Variants in BRSK2 observed in about 807,000 individuals in gnomAD.
BRSK2 encodes the protein serine/threonine-protein kinase BRSK2.
Under a neutral mutation model 83.3 loss-of-function variants are expected in BRSK2, and 19 were observed. The ratio of observed to expected loss-of-function variants is 0.23; its 90% CI spans 0.16 to 0.33. The LOEUF is 0.33. Ranked by LOEUF, BRSK2 falls within the 10% of genes least tolerant of loss-of-function variation. The pLI is 1.00. For missense variants in BRSK2, 798 were observed against 1,042.3 expected (o/e 0.77, Z 3.23); for synonymous variants, 519 against 435.4 (o/e 1.19, Z -2.39).
rs182295793 is a variant in BRSK2, at chr11:1,454,252, G to C, written c.1545-233G>C. The C allele has an allele frequency of 0.01, 4,711 of 466,174 alleles. 79 individuals are homozygous for C. The highest frequency in any genetic ancestry group is 0.055 in the Admixed American group (1,575 of 28,596). The allele number at this position is 466,174 out of a possible 1,614,324, so 28.9% of individuals were successfully genotyped here. A position where few individuals can be genotyped will look rare whatever the true frequency, so the allele number is the denominator to read the frequency against. ...GGCCAGGGTCAGGGCGTTAGGGCTT[G>C]GAGAAAGGTTAGGGTTGGGGTTGGG... On this transcript the variant is annotated intron_variant, in intron 15 of 19. Coordinates refer to ENST00000528841, the MANE Select transcript of BRSK2 (RefSeq NM_001256627.2). This position sits in a 1 kb window ranked among gnomAD's most constrained non-coding sequence, Gnocchi z 5.2.
Position 1,436,139 on chromosome 11 carries a change from G to C in BRSK2, c.186+5G>C. ...AGCGAGTCGGTGCTGATGAAGGTGG[G>C]TGGGGCCGGGGAGGGAGGCGGGGCC... is the stretch of plus-strand genomic sequence containing the variant. On this transcript the variant is annotated splice_donor_5th_base_variant and intron_variant, in intron 2 of 19. Transcript: ENST00000528841. 1 of 1,407,968 alleles carries C rather than the reference G, an allele frequency of 7.1e-7. No homozygotes were observed. The highest frequency in any genetic ancestry group is 9.6e-7 in the Non-Finnish European group (1 of 1,042,992). 87.2% of individuals were successfully genotyped at this position (1,407,968 alleles called of 1,614,324 possible).
At position 1,460,864 on chromosome 11, in the gene BRSK2, G is replaced by T; in HGVS notation, c.*141G>T. 6.4e-7 allele frequency: 1 copy of T among 1,571,396 alleles called. No homozygotes were observed. The highest frequency in any genetic ancestry group is 1.2e-5 in the South Asian group (1 of 86,568). ...GAGCCTGGGAGGAAAGGAAAGGGGC[G>T]TTGGGGCCGGCCTGTGGGCTGCGCC... On this transcript the variant is annotated 3_prime_UTR_variant, in exon 20 of 20. Coordinates refer to ENST00000528841, the MANE Select transcript of BRSK2 (RefSeq NM_001256627.2).
intron 3 of BRSK2, 118 bp from the exon 4 acceptor site, chr11:1,440,670 A>C: frequency 2.3e-6 from 3 of 1,322,100 alleles, no homozygotes; most frequent in Non-Finnish European, 3.0e-6. Context: ...CCAGCCAGCA[A>C]GAGGATGGGG....
At chr11:1,416,825 T>A (rs1245745393) in intron 1 of BRSK2, among the ~76,000 whole-genome samples, 1 of 152,170 alleles carries the variant, frequency 6.6e-6, no homozygotes, top group African/African-American at 2.4e-5. Context: ...GGCTGATGTA[T>A]TTAGTACATT....
At chr11:1,404,931 C>T (rs1014428880) in intron 1 of BRSK2, among the ~76,000 whole-genome samples, 4 of 142,582 alleles carry the variant, frequency 2.8e-5, no homozygotes, top group African/African-American at 1.0e-4. Context: ...CCCTCGCTGC[C>T]CCTGTGTCCT....
chr11:1,462,344 A>C lies in BRSK2; in HGVS notation c.*1621A>C, dbSNP rs1564902843. ...GGTCTGATGCATGCCTCTGCCATGG[A>C]GTCGTCTGTCTGCTTCGGTGCCTGC... is the stretch of plus-strand genomic sequence containing the variant. On this transcript the variant is annotated 3_prime_UTR_variant, in exon 20 of 20. Transcript: ENST00000528841. The C allele has an allele frequency of 6.6e-6, 1 of 152,216 alleles. No individual in the cohort carries two copies. Among genetic ancestry groups the C allele is most frequent in the Non-Finnish European group, 1.5e-5 (1 of 68,056 alleles). The allele number at this position is 152,216 out of a possible 1,614,324, so 9.4% of individuals were successfully genotyped here. A position where few individuals can be genotyped will look rare whatever the true frequency, so the allele number is the denominator to read the frequency against.
chr11:1,438,438 T>C lies in BRSK2; in HGVS notation c.272+47T>C. The C allele has an allele frequency of 6.4e-7, 1 of 1,561,694 alleles. No individual in the cohort carries two copies. The highest frequency in any genetic ancestry group is 8.8e-7 in the Non-Finnish European group (1 of 1,133,794). On this transcript the variant is annotated intron_variant, in intron 3 of 19. Coordinates refer to ENST00000528841, the MANE Select transcript of BRSK2 (RefSeq NM_001256627.2). The surrounding 1 kb of genome is among the most constrained non-coding windows in gnomAD (Gnocchi z 6.4). ...GAGCTGGGGTGGCGGAGGTGGCAGCTGTCGCTGCAGGGGTGGGTGTCTGGG... is the reference window on the plus strand; with the variant it reads ...GAGCTGGGGTGGCGGAGGTGGCAGCCGTCGCTGCAGGGGTGGGTGTCTGGG...
chr11:1,396,367 G>A (rs866875209), intron 1 of BRSK2, among the ~76,000 whole-genome samples: 13 of 152,154 alleles, frequency 8.5e-5, no homozygotes, highest in South Asian at 2.1e-4. Flanking sequence ...AGAGTTGCTC[G>A]GACCGGCTCC....
chr11:1,442,691 C>T (rs1028686668), intron 5 of BRSK2, 85 bp downstream of exon 5: 2 of 1,119,064 alleles, frequency 1.8e-6, no homozygotes, highest in Non-Finnish European at 2.7e-6. Context: ...GGCCCCCAGC[C>T]TGCCTGAGCC....
In BRSK2 at chr11:1,390,556, C is replaced by G. The variant is rs1359058323; in HGVS notation, c.91+181C>G. Among the ~76,000 whole-genome samples the G allele has an allele frequency of 6.8e-6, 1 of 146,022 alleles. No individual in the cohort carries two copies. Among genetic ancestry groups the G allele is most frequent in the African/African-American group, 2.5e-5 (1 of 40,776 alleles). ...TGCGCCCCGGTTCCGCCGCGGATCC[C>G]GCAGGCCGCTTGGCTGCGGTCGGCC... On this transcript the variant is annotated intron_variant, in intron 1 of 19. Coordinates refer to ENST00000528841, the MANE Select transcript of BRSK2 (RefSeq NM_001256627.2). The surrounding 1 kb of genome is among the most constrained non-coding windows in gnomAD (Gnocchi z 6.8).
At chr11:1,447,020 G>A (rs935790717) in intron 12 of BRSK2, among the ~76,000 whole-genome samples, 1 of 152,110 alleles carries the variant, frequency 6.6e-6, no homozygotes, top group Non-Finnish European at 1.5e-5. Context: ...CCAGAGTACT[G>A]GTGGTCCCAG....
chr11:1,460,530 T>C lies in BRSK2; in HGVS notation c.2018T>C (p.Ile673Thr), dbSNP rs749951372. Residue 673 changes from isoleucine to threonine, a missense_variant, in exon 20 of 20, where the codon ATT becomes ACT. Ile to Thr is a moderately conservative substitution (Grantham distance 89). Around this residue, in one of 6 missense-constraint regions of BRSK2, gnomAD observed 455 missense variants for 455.2 expected, o/e 1.00. Transcript: ENST00000528841. ...GSPLSNFFDV[I>T]KQLFSDEKNG... Reference sequence around the variant, plus strand: ...CCATTGAGTAACTTCTTTGACGTAATTAAACAACTTTTTTCAGACGAGAAG... The same window carrying C: ...CCATTGAGTAACTTCTTTGACGTAACTAAACAACTTTTTTCAGACGAGAAG... The C allele has an allele frequency of 8.2e-6, 12 of 1,456,254 alleles. No homozygotes were observed. Among genetic ancestry groups the C allele is most frequent in the Admixed American group, 4.3e-5 (2 of 46,880 alleles). The allele number at this position is 1,456,254 out of a possible 1,614,324, so 90.2% of individuals were successfully genotyped here.
rs1278427616 is a variant in BRSK2, at chr11:1,449,721, C to G, written c.1227-55C>G. ...ACCTGGGGGGAGCAGAGCCCAGCAC[C>G]TGCTGCTCCACTGCCCCCTGGCTGA... On this transcript the variant is annotated intron_variant, in intron 12 of 19. Coordinates refer to ENST00000528841, the MANE Select transcript of BRSK2 (RefSeq NM_001256627.2). 3.3e-6 allele frequency: 5 copies of G among 1,497,558 alleles called. 1 individual carries two copies. In the South Asian group the frequency reaches 5.9e-5, roughly 18 times the overall value. 92.8% of individuals were successfully genotyped at this position (1,497,558 alleles called of 1,614,324 possible).
rs1331160516 is a variant in BRSK2 at position 1,418,558 on chromosome 11, C to T, written c.92-17482C>T. Among the ~76,000 whole-genome samples, 4 of 149,860 alleles carry T rather than the reference C, an allele frequency of 2.7e-5. No individual in the cohort carries two copies. In the East Asian group the frequency reaches 7.9e-4, roughly 30 times the overall value. ...CCTGCTTCTGTTGGCTGTTTCTTCT[C>T]TTGAGAGTGGGTCACCTGTGTCCTG... On this transcript the variant is annotated intron_variant, in intron 1 of 19. Coordinates refer to ENST00000528841, the MANE Select transcript of BRSK2 (RefSeq NM_001256627.2).
rs1008188196 is a variant in BRSK2, at chr11:1,438,807, G to C, written c.272+416G>C. 1.5e-4 allele frequency among the ~76,000 whole-genome samples: 23 copies of C among 152,292 alleles called. No individual in the cohort carries two copies. Among genetic ancestry groups the C allele is most frequent in the Non-Finnish European group, 8.8e-5 (6 of 68,004 alleles). On this transcript the variant is annotated intron_variant, in intron 3 of 19. Coordinates refer to ENST00000528841, the MANE Select transcript of BRSK2 (RefSeq NM_001256627.2). This position sits in a 1 kb window ranked among gnomAD's most constrained non-coding sequence, Gnocchi z 6.4. ...CTCTATCCCTGAGGCTCCCTCACAC[G>C]AGGCACAGCCACCAGGATCCCGCCC...
At chr11:1,447,747 G>A (rs527326996) in intron 12 of BRSK2, 1 of 1,555,746 alleles carries the variant, frequency 6.4e-7, no homozygotes, top group African/African-American at 1.4e-5. Flanking sequence ...GCCGACCTGT[G>A]CCCGCGTGTG....
At chr11:1,437,508 G>A (rs1850483305) in intron 2 of BRSK2, among the ~76,000 whole-genome samples, 1 of 152,198 alleles carries the variant, frequency 6.6e-6, no homozygotes, top group Admixed American at 6.5e-5. Context: ...AGGACTGGGT[G>A]TCCTGAGTCA....
intron 4 of BRSK2, 31 bp from the exon 5 acceptor site, chr11:1,442,459 C>A: frequency 1.3e-6 from 2 of 1,562,808 alleles, no homozygotes; most frequent in Non-Finnish European, 1.8e-6. Context: ...CAGAGACTGG[C>A]CCTGTTCAGC....
chr11:1,437,395 C>T (rs1219024968), intron 2 of BRSK2, among the ~76,000 whole-genome samples: 1 of 152,182 alleles, frequency 6.6e-6, no homozygotes, highest in Non-Finnish European at 1.5e-5. Context: ...GCCTCACTGG[C>T]CCCACCACTG....
Sources: allele counts gnomAD v4.1 joint callset (sites outside exome capture counted in the v4.1 genomes callset), GRCh38; gene constraint gnomAD v4.1.1; regional missense constraint gnomAD v4.1.1; non-coding constraint Gnocchi (gnomAD v3.1); transcripts MANE v1.5; gene names NCBI Gene and HGNC (gene_info 2026-07-23, HGNC 2026-07-21).